Variants in ZBTB46 observed in about 807,000 individuals in gnomAD.
ZBTB46 encodes zinc finger and BTB domain containing 46.
A neutral mutation model predicts 44.1 loss-of-function variants in ZBTB46; 8 were observed. The ratio of observed to expected loss-of-function variants is 0.18; its 90% confidence interval spans 0.11 to 0.33. The LOEUF is 0.33. ZBTB46 is among the 10% of genes least tolerant of loss of function. The probability of loss-of-function intolerance (pLI) is 1.00; values close to 1 mark genes in which losing one functional copy is unlikely to be tolerated. For synonymous variants in ZBTB46, 409 were observed against 382.3 expected, an observed-to-expected ratio of 1.07 and a Z score of -0.81; for missense variants, 651 against 847.7, an observed-to-expected ratio of 0.77 and a Z score of 2.88.
At chr20:63,761,151 A>T (rs2092272053) in intron 3 of ZBTB46, among the ~76,000 whole-genome samples, 1 of 149,214 alleles carries the variant, frequency 6.7e-6, no homozygotes, top group Admixed American at 6.7e-5. Context: ...GGCACCCACC[A>T]CCATACCCGG....
chr20:63,795,067 T>G (rs943973275), intron 1 of ZBTB46, among the ~76,000 whole-genome samples: 8 of 152,218 alleles, frequency 5.3e-5, no homozygotes, highest in Non-Finnish European at 8.8e-5. Flanking sequence ...TGCACTGATG[T>G]CAGGTTGCCC....
chr20:63,816,748 A>C (rs2092760835), intron 1 of ZBTB46, among the ~76,000 whole-genome samples: 5 of 152,194 alleles, frequency 3.3e-5, no homozygotes, highest in Admixed American at 3.3e-4. Context: ...AATCAAGTTA[A>C]GATGAGGTCA....
chr20:63,777,039 C>T (rs1294776199), intron 2 of ZBTB46, among the ~76,000 whole-genome samples: 3 of 142,692 alleles, frequency 2.1e-5, no homozygotes, highest in Non-Finnish European at 3.0e-5. Flanking sequence ...CCACACGCCA[C>T]GGTTCCACCA....
At chr20:63,807,786 T>C (rs1490901609) in intron 1 of ZBTB46, among the ~76,000 whole-genome samples, 1 of 152,288 alleles carries the variant, frequency 6.6e-6, no homozygotes, top group Non-Finnish European at 1.5e-5. Context: ...GCAGCGGGTC[T>C]GGCTTACAGG....
chr20:63,785,250 GA>G (rs2092505244), intron 2 of ZBTB46, among the ~76,000 whole-genome samples: 1 of 136,928 alleles, frequency 7.3e-6, no homozygotes, highest in Non-Finnish European at 1.6e-5. Context: ...GAAAAGAAAA[GA>G]AAAAGAAAGA....
intron 1 of ZBTB46, among the ~76,000 whole-genome samples, chr20:63,808,494 A>C (rs2092696778): frequency 6.6e-6 from 1 of 151,920 alleles, no homozygotes; most frequent in African/African-American, 2.4e-5. Context: ...GGGAAGGGGG[A>C]AGCCAGGCTC....
At chr20:63,791,140 G>A (rs993949329) in intron 1 of ZBTB46, among the ~76,000 whole-genome samples, 13 of 152,226 alleles carry the variant, frequency 8.5e-5, no homozygotes, top group Admixed American at 1.3e-4. Flanking sequence ...CTGAGAACTC[G>A]GTTAAATGAC....
chr20:63,753,330 G>A (rs2092188925), intron 3 of ZBTB46, among the ~76,000 whole-genome samples: 1 of 152,220 alleles, frequency 6.6e-6, no homozygotes, highest in African/African-American at 2.4e-5. Flanking sequence ...GTGTGCAGGC[G>A]AAATGGGAGA....
At chr20:63,814,170 T>C (rs1347652100) in intron 1 of ZBTB46, among the ~76,000 whole-genome samples, 1 of 150,072 alleles carries the variant, frequency 6.7e-6, no homozygotes, top group East Asian at 2.0e-4. Flanking sequence ...GAGGCAGAGC[T>C]TGCAGTGAGC....
At chr20:63,774,828 C>T (rs1333187534) in intron 3 of ZBTB46, among the ~76,000 whole-genome samples, 8 of 151,848 alleles carry the variant, frequency 5.3e-5, no homozygotes, top group Non-Finnish European at 1.0e-4. Flanking sequence ...CTCAGTCTCC[C>T]GAGTAGCTGG....
chr20:63,830,977 C>CCGG, intron 1 of ZBTB46, 120 bp downstream of exon 1: 1 of 140,848 alleles, frequency 7.1e-6, no homozygotes, highest in South Asian at 2.2e-4. Context: ...GGCGGGGCGG[C>CCGG]CGGCGGCGGG....
chr20:63,818,008 C>G (rs954712024), intron 1 of ZBTB46, among the ~76,000 whole-genome samples: 1 of 152,192 alleles, frequency 6.6e-6, no homozygotes, highest in Non-Finnish European at 1.5e-5. Flanking sequence ...TAACGCAGCC[C>G]CAGGAACTCG....
chr20:63,765,175 A>G (rs2092310935), intron 3 of ZBTB46, among the ~76,000 whole-genome samples: 1 of 151,812 alleles, frequency 6.6e-6, no homozygotes, highest in African/African-American at 2.4e-5. Context: ...TGTATGCAGA[A>G]GCTGGGGTCC....
intron 3 of ZBTB46, among the ~76,000 whole-genome samples, chr20:63,769,562 C>T (rs1468455421): frequency 1.3e-5 from 2 of 150,644 alleles, no homozygotes; most frequent in Admixed American, 6.6e-5. Context: ...ACCCCAAATG[C>T]CCGAGGTCTC....
chr20:63,757,023 G>T (rs547049389), intron 3 of ZBTB46, among the ~76,000 whole-genome samples: 21 of 152,260 alleles, frequency 1.4e-4, no homozygotes, highest in African/African-American at 4.8e-4. Context: ...GGACCACAGG[G>T]TGTTCACCTG....
At chr20:63,815,461 GGTACAGGTGGGCATAGGTGCAGTGA>G (rs2092744591) in intron 1 of ZBTB46, among the ~76,000 whole-genome samples, 2 of 149,774 alleles carry the variant, frequency 1.3e-5, no homozygotes, top group South Asian at 4.3e-4. Flanking sequence ...AGGTGCAGTG[GGTACAGGTGGGCATAGGTGCAGTGA>G]GTGCAGGTGG....
chr20:63,828,774 A>G (rs2092833026), intron 1 of ZBTB46, among the ~76,000 whole-genome samples: 3 of 152,228 alleles, frequency 2.0e-5, no homozygotes, highest in African/African-American at 7.2e-5. Flanking sequence ...GTGCCTGGGC[A>G]CCAGTCACGG....
At chr20:63,784,897 C>A (rs1389613997) in intron 2 of ZBTB46, among the ~76,000 whole-genome samples, 1 of 152,152 alleles carries the variant, frequency 6.6e-6, no homozygotes, top group Admixed American at 6.5e-5. Context: ...GGGGCATCGG[C>A]GTCGAATGAT....
chr20:63,772,742 CACACACACACACACACACACACA>C (rs1568850262), intron 3 of ZBTB46, among the ~76,000 whole-genome samples: 10 of 85,918 alleles, frequency 1.2e-4, no homozygotes, highest in African/African-American at 4.8e-4. Context: ...CACACACACA[CACACACACACACACACACACACA>C]CAGAAGTGCG....
Sources: gnomAD v4.1 joint callset for allele counts (sites outside exome capture counted in the v4.1 genomes callset) on GRCh38, gnomAD v4.1.1 for gene constraint, MANE v1.5 for transcripts, NCBI Gene and HGNC (gene_info 2026-07-23, HGNC 2026-07-21) for gene names.